The following TMED3 variants were observed in gnomAD, a reference collection of about 807,000 sequenced individuals.
TMED3 encodes the protein transmembrane emp24 domain-containing protein 3.
A neutral mutation model predicts 15.0 loss-of-function variants in TMED3; 9 were observed. The observed-to-expected ratio is 0.60, with a 90% CI of 0.36 to 1.04. TMED3 has a LOEUF of 1.04. Ranked by LOEUF, TMED3 falls within the 50% of genes least tolerant of loss-of-function variation. The pLI, the probability that TMED3 is intolerant of heterozygous loss-of-function variation, is 0.01. For synonymous variants in TMED3, 117 were observed against 121.4 expected, an observed-to-expected ratio of 0.96 and a Z score of 0.24; for missense variants, 267 against 278.9, an observed-to-expected ratio of 0.96 and a Z score of 0.30.
chr15:79,366,184 A>G (rs1193485378), intron 2 of TMED3, among the ~76,000 whole-genome samples: 4 of 152,198 alleles, frequency 2.6e-5, no homozygotes, highest in Non-Finnish European at 4.4e-5. Context: ...GGTTGATGGA[A>G]GAATGCAAGT....
At chr15:79,351,618 T>C (rs1022535641) in intron 2 of TMED3, among the ~76,000 whole-genome samples, 1 of 152,180 alleles carries the variant, frequency 6.6e-6, no homozygotes, top group Non-Finnish European at 1.5e-5. Flanking sequence ...ACTTTTACAC[T>C]ATTGGTGGAA....
Position 79,313,740 on chromosome 15 carries a change from T to A in TMED3, c.169-17T>A. On this transcript the variant is annotated splice_polypyrimidine_tract_variant and intron_variant, in intron 1 of 2. Coordinates refer to ENST00000299705, the MANE Select transcript of TMED3 (RefSeq NM_007364.4). ...TGGTTGCTCCTTTGATAACAGCAATTTTTTTATGGTTGTCAGGTCATCACT... is the reference window on the plus strand; with the variant it reads ...TGGTTGCTCCTTTGATAACAGCAATATTTTTATGGTTGTCAGGTCATCACT... 6.2e-7 allele frequency: 1 copy of A among 1,605,368 alleles called. No individual in the cohort carries two copies. Among genetic ancestry groups the A allele is most frequent in the Non-Finnish European group, 8.5e-7 (1 of 1,173,466 alleles).
chr15:79,375,241 A>G (rs1352981549), intron 2 of TMED3, among the ~76,000 whole-genome samples: 2 of 152,034 alleles, frequency 1.3e-5, no homozygotes, highest in Non-Finnish European at 2.9e-5. Flanking sequence ...GGTCTGTCCC[A>G]TGCTCCTCAG....
Position 79,311,181 on chromosome 15 carries a change from A to T in TMED3, c.-69A>T, listed in dbSNP as rs1396649012. Reference sequence around the variant, plus strand: ...TACATCCTCCTAGGACCCGGTCGGTAGTCGTCGCCCCAGCCCGCCGGGGGC... The same window carrying T: ...TACATCCTCCTAGGACCCGGTCGGTTGTCGTCGCCCCAGCCCGCCGGGGGC... On this transcript the variant is annotated 5_prime_UTR_variant, in exon 1 of 3. Coordinates refer to ENST00000299705, the MANE Select transcript of TMED3 (RefSeq NM_007364.4). 3 of 1,497,678 alleles carry T rather than the reference A, an allele frequency of 2.0e-6. No homozygotes were observed. The Admixed American group carries it at 6.1e-5, about 31-fold the overall frequency. The allele number at this position is 1,497,678 out of a possible 1,614,324, so 92.8% of individuals were successfully genotyped here. A position where few individuals can be genotyped will look rare whatever the true frequency, so the allele number is the denominator to read the frequency against.
intron 2 of TMED3, among the ~76,000 whole-genome samples, chr15:79,350,519 C>T (rs1207171903): frequency 3.3e-5 from 5 of 152,112 alleles, no homozygotes; most frequent in Non-Finnish European, 5.9e-5. Context: ...CAGGAAGCAT[C>T]CAGCATGGGA....
intron 2 of TMED3, among the ~76,000 whole-genome samples, chr15:79,368,330 A>C (rs899887330): frequency 6.6e-6 from 1 of 152,200 alleles, no homozygotes; most frequent in African/African-American, 2.4e-5. Flanking sequence ...GTCAGAATCC[A>C]ACATACTTTG....
intron 2 of TMED3, among the ~76,000 whole-genome samples, chr15:79,392,386 A>G (rs11635616): frequency 0.31 from 47,307 of 152,032 alleles, 8,765 homozygotes; most frequent in Middle Eastern, 0.51. Flanking sequence ...TGGATACAAA[A>G]TTCTTGGCAG....
intron 2 of TMED3, among the ~76,000 whole-genome samples, chr15:79,367,546 C>T (rs112155980): frequency 0.01 from 1,551 of 152,334 alleles, 18 homozygotes; most frequent in African/African-American, 0.036. Flanking sequence ...AGAGGTACCC[C>T]ACAGTTCCCA....
At chr15:79,359,503 C>T (rs1462049690) in intron 2 of TMED3, among the ~76,000 whole-genome samples, 4 of 152,122 alleles carry the variant, frequency 2.6e-5, no homozygotes, top group African/African-American at 9.7e-5. Flanking sequence ...GCTGGGATTA[C>T]AGGCATGAGC....
intron 2 of TMED3, among the ~76,000 whole-genome samples, chr15:79,352,606 A>G (rs1337004484): frequency 1.3e-5 from 2 of 150,980 alleles, no homozygotes; most frequent in Non-Finnish European, 2.9e-5. Flanking sequence ...AAGACACAAA[A>G]TTATCTTTCT....
At chr15:79,379,880 T>C (rs1033973801) in intron 2 of TMED3, among the ~76,000 whole-genome samples, 8 of 152,184 alleles carry the variant, frequency 5.3e-5, no homozygotes, top group Non-Finnish European at 8.8e-5. Context: ...GGCAGAATAA[T>C]TGGAATAAAT....
chr15:79,393,544 A>G (rs569563933), intron 2 of TMED3, among the ~76,000 whole-genome samples: 1 of 152,326 alleles, frequency 6.6e-6, no homozygotes, highest in South Asian at 2.1e-4. Context: ...CACTTGGGAA[A>G]ACTTCAAGTG....
At chr15:79,345,133 T>A (rs1453098451) in intron 2 of TMED3, among the ~76,000 whole-genome samples, 2 of 152,194 alleles carry the variant, frequency 1.3e-5, no homozygotes, top group East Asian at 1.9e-4. Flanking sequence ...AAGCTCTTTT[T>A]AAAAATTTAT....
chr15:79,376,815 T>C (rs555829898), intron 2 of TMED3, among the ~76,000 whole-genome samples: 4 of 152,312 alleles, frequency 2.6e-5, no homozygotes, highest in Admixed American at 6.5e-5. Context: ...TCCCCCTTCC[T>C]GGAATCATCT....
chr15:79,329,466 C>T (rs909446032), intron 2 of TMED3, among the ~76,000 whole-genome samples: 9 of 152,216 alleles, frequency 5.9e-5, no homozygotes, highest in African/African-American at 2.2e-4. Flanking sequence ...GTTAAATAGC[C>T]TGTTTGTGTA....
At chr15:79,348,491 A>C (rs2058879453) in intron 2 of TMED3, among the ~76,000 whole-genome samples, 1 of 152,220 alleles carries the variant, frequency 6.6e-6, no homozygotes, top group African/African-American at 2.4e-5. Context: ...TAGAAACCTC[A>C]TTAGCAAACA....
At chr15:79,372,278 G>T (rs1439268673) in intron 2 of TMED3, among the ~76,000 whole-genome samples, 3 of 152,212 alleles carry the variant, frequency 2.0e-5, no homozygotes, top group East Asian at 1.9e-4. Flanking sequence ...TGTAATGTGG[G>T]ATGATGCAGG....
At chr15:79,348,129 A>G (rs190822437) in intron 2 of TMED3, among the ~76,000 whole-genome samples, 43 of 152,286 alleles carry the variant, frequency 2.8e-4, no homozygotes, top group Non-Finnish European at 2.9e-4. Context: ...TCAATAAGTT[A>G]CATGCATTAA....
At chr15:79,320,266 T>C (rs1278543859) in intron 2 of TMED3, among the ~76,000 whole-genome samples, 1 of 152,092 alleles carries the variant, frequency 6.6e-6, no homozygotes, top group Non-Finnish European at 1.5e-5. Context: ...TCCCCTCAGC[T>C]CCTATCTCTG....
Sources: allele counts gnomAD v4.1 joint callset (sites outside exome capture counted in the v4.1 genomes callset), GRCh38; gene constraint gnomAD v4.1.1; transcripts MANE v1.5; gene names NCBI Gene and HGNC (gene_info 2026-07-23, HGNC 2026-07-21).